The following TTLL13 variants were observed in gnomAD, a reference collection of about 807,000 sequenced individuals.
TTLL13 encodes the protein tubulin polyglutamylase TTLL13.
the TTLL13 span, chr15:90,253,379 C>G: frequency 6.2e-7 from 1 of 1,603,128 alleles, no homozygotes. Flanking sequence ...TACCCATCTC[C>G]TGACCTGAGA....
the TTLL13 span, among the ~76,000 whole-genome samples, chr15:90,254,024 A>C: frequency 6.6e-6 from 1 of 152,122 alleles, no homozygotes; most frequent in Non-Finnish European, 1.5e-5. Flanking sequence ...GAAGCTCCAG[A>C]GGAGGTTGGG....
the TTLL13 span, chr15:90,263,115 C>T: frequency 6.5e-7 from 1 of 1,529,500 alleles, no homozygotes; most frequent in African/African-American, 1.4e-5. Flanking sequence ...ACCCTGGCCC[C>T]CAGGGCCAGA....
chr15:90,256,646 T>G, the TTLL13 span, among the ~76,000 whole-genome samples: 1 of 138,474 alleles, frequency 7.2e-6, no homozygotes, highest in East Asian at 2.5e-4. Flanking sequence ...TCCTTCTTTC[T>G]TTCTCCCTTT....
the TTLL13 span, chr15:90,263,057 C>T: frequency 6.5e-7 from 1 of 1,536,038 alleles, no homozygotes; most frequent in Non-Finnish European, 8.7e-7. Context: ...CAAAGGGAGA[C>T]TCTCATCCGA....
At chr15:90,263,824 A>G in the TTLL13 span, 39 of 733,310 alleles carry the variant, frequency 5.3e-5, no homozygotes, top group Non-Finnish European at 8.5e-5. Context: ...AGGGGCTGCC[A>G]CAGAGCAGGG....
chr15:90,251,501 G>C, the TTLL13 span: 1 of 1,523,044 alleles, frequency 6.6e-7, no homozygotes, highest in South Asian at 1.1e-5. Context: ...TTTCATCTGA[G>C]TACCTGTCCT....
At chr15:90,258,711 G>C in the TTLL13 span, 3 of 1,592,374 alleles carry the variant, frequency 1.9e-6, no homozygotes, top group Admixed American at 1.7e-5. Flanking sequence ...AGGTGGTCTG[G>C]GAAAGGGGTG....
chr15:90,257,699 G>T, the TTLL13 span: 1 of 1,614,150 alleles, frequency 6.2e-7, no homozygotes, highest in Non-Finnish European at 8.5e-7. Flanking sequence ...ATTTTGTCCG[G>T]GATGGCGCTG....
At chr15:90,252,094 C>T in the TTLL13 span, among the ~76,000 whole-genome samples, 1 of 148,840 alleles carries the variant, frequency 6.7e-6, no homozygotes, top group Admixed American at 7.0e-5. Flanking sequence ...GGCTGGAATG[C>T]AATGGCGTGA....
chr15:90,263,649 C>T, the TTLL13 span: 3 of 604,710 alleles, frequency 5.0e-6, no homozygotes, highest in Admixed American at 2.9e-5. Flanking sequence ...TGGCCGCGGC[C>T]TAGAAGAGAT....
the TTLL13 span, chr15:90,250,554 C>A: frequency 3.3e-6 from 5 of 1,518,632 alleles, no homozygotes; most frequent in South Asian, 2.6e-5. Context: ...TTCCTTCAGG[C>A]CTTCTAGGGC....
chr15:90,262,491 G>T, the TTLL13 span: 7 of 1,478,446 alleles, frequency 4.7e-6, no homozygotes, highest in South Asian at 1.4e-5. Flanking sequence ...TGTCTTGTCA[G>T]GCAGCAACTA....
chr15:90,253,711 T>C, the TTLL13 span, among the ~76,000 whole-genome samples: 4 of 152,216 alleles, frequency 2.6e-5, no homozygotes, highest in Admixed American at 6.5e-5. Flanking sequence ...GCCAGTTGAA[T>C]GATCCAGCCT....
At chr15:90,262,156 G>A in the TTLL13 span, 12 of 1,535,520 alleles carry the variant, frequency 7.8e-6, no homozygotes, top group Non-Finnish European at 9.6e-6. Flanking sequence ...TCTTCCAAGA[G>A]ACTGCTGCTT....
the TTLL13 span, chr15:90,257,122 G>C: frequency 1.9e-6 from 3 of 1,609,976 alleles, no homozygotes; most frequent in Non-Finnish European, 2.5e-6. Flanking sequence ...TCCCTCATGG[G>C]TTTGCATGCT....
the TTLL13 span, chr15:90,263,860 C>A: frequency 1.1e-6 from 1 of 892,352 alleles, no homozygotes; most frequent in Non-Finnish European, 1.8e-6. Context: ...GCATCCAGTT[C>A]TGCCCCATGA....
chr15:90,260,016 A>G, the TTLL13 span, among the ~76,000 whole-genome samples: 1 of 152,314 alleles, frequency 6.6e-6, no homozygotes, highest in South Asian at 2.1e-4. Context: ...GGGACACCGT[A>G]AGCACTCAGA....
chr15:90,258,581 T>C, the TTLL13 span: 1 of 644,252 alleles, frequency 1.6e-6, no homozygotes, highest in Non-Finnish European at 2.7e-6. Context: ...GAATTGGAGA[T>C]CTCTATGGCA....
the TTLL13 span, chr15:90,263,853 T>C: frequency 1.2e-6 from 1 of 848,966 alleles, no homozygotes; most frequent in Admixed American, 2.0e-5. Context: ...ATTTCCTGCA[T>C]CCAGTTCTGC....
Sources: gnomAD v4.1 joint callset for allele counts (sites outside exome capture counted in the v4.1 genomes callset) on GRCh38, gnomAD v4.1.1 for gene constraint, MANE v1.5 for transcripts, NCBI Gene and HGNC (gene_info 2026-07-23, HGNC 2026-07-21) for gene names.